The following PCSK5 variants were observed in gnomAD, a reference collection of about 807,000 sequenced individuals.
PCSK5 encodes proprotein convertase subtilisin/kexin type 5, also known as prohormone convertase 5.
In PCSK5, 129 loss-of-function variants were observed where a neutral mutation model predicts 233.2. The ratio of observed to expected loss-of-function variants is 0.55; its 90% CI spans 0.48 to 0.64. PCSK5 has a LOEUF of 0.64. Among genes scored for constraint, PCSK5 ranks in the 30% least tolerant of loss-of-function variants. The pLI is 0.00. For missense variants in PCSK5, 2,076 were observed against 2,430.1 expected (o/e 0.85, Z 3.06); for synonymous variants, 825 against 879.2 (o/e 0.94, Z 1.09).
intron 35 of PCSK5, among the ~76,000 whole-genome samples, chr9:76,349,067 C>G (rs188349875): frequency 1.3e-5 from 2 of 151,420 alleles, no homozygotes; most frequent in Admixed American, 1.3e-4. Context: ...GTGATGAGAT[C>G]GAGACCATCC....
intron 24 of PCSK5, among the ~76,000 whole-genome samples, chr9:76,283,696 T>G (rs1827956403): frequency 6.6e-6 from 1 of 152,216 alleles, no homozygotes; most frequent in Admixed American, 6.5e-5. Context: ...GCTTTTTTAT[T>G]AAGGCATAAC....
At chr9:76,173,028 AAC>A (rs1376590358) in intron 13 of PCSK5, among the ~76,000 whole-genome samples, 4 of 152,214 alleles carry the variant, frequency 2.6e-5, no homozygotes, top group African/African-American at 9.7e-5. Context: ...ATGGTTTAAA[AAC>A]ACAGGATTTG....
intron 1 of PCSK5, among the ~76,000 whole-genome samples, chr9:75,926,984 C>G (rs1823521196): frequency 6.6e-6 from 1 of 152,178 alleles, no homozygotes; most frequent in Non-Finnish European, 1.5e-5. Context: ...GGGTAAATAC[C>G]TAGAAACAAA....
intron 10 of PCSK5, among the ~76,000 whole-genome samples, chr9:76,137,382 A>G (rs1823030494): frequency 1.3e-5 from 2 of 152,134 alleles, no homozygotes; most frequent in Non-Finnish European, 1.5e-5. Context: ...GGGAAGACAC[A>G]TGTAAACATT....
At chr9:75,924,291 T>A (rs1823382069) in intron 1 of PCSK5, among the ~76,000 whole-genome samples, 1 of 152,152 alleles carries the variant, frequency 6.6e-6, no homozygotes, top group African/African-American at 2.4e-5. Context: ...CAAAGCTGAG[T>A]CTGAACCTGA....
chr9:75,916,954 A>T (rs1823026607), intron 1 of PCSK5, among the ~76,000 whole-genome samples: 1 of 152,092 alleles, frequency 6.6e-6, no homozygotes, highest in Non-Finnish European at 1.5e-5. Context: ...GTAGATCACA[A>T]GGTCAGGAGT....
intron 3 of PCSK5, among the ~76,000 whole-genome samples, chr9:76,001,607 C>G (rs957061485): frequency 6.6e-6 from 1 of 151,404 alleles, no homozygotes; most frequent in Non-Finnish European, 1.5e-5. Context: ...GCAAAACCAT[C>G]TGTTTCAGCA....
intron 20 of PCSK5, 142 bp from the exon 21 acceptor site, chr9:76,227,361 G>A (rs1182964050): frequency 3.2e-6 from 2 of 629,870 alleles, no homozygotes; most frequent in Non-Finnish European, 5.7e-6. Context: ...GGGACTAGCA[G>A]CTGAAGCCAT....
intron 20 of PCSK5, among the ~76,000 whole-genome samples, chr9:76,203,805 A>G (rs1825007176): frequency 6.6e-6 from 1 of 152,202 alleles, no homozygotes; most frequent in African/African-American, 2.4e-5. Context: ...TCCTTTTGCC[A>G]GATCCCAAGT....
intron 2 of PCSK5, among the ~76,000 whole-genome samples, chr9:75,971,356 C>T (rs927767107): frequency 2.0e-4 from 31 of 152,076 alleles, no homozygotes; most frequent in Admixed American, 3.9e-4. Context: ...GGGTTGATTC[C>T]ATGTCTTTGC....
intron 5 of PCSK5, among the ~76,000 whole-genome samples, chr9:76,051,080 T>G (rs1829613624): frequency 6.6e-6 from 1 of 152,128 alleles, no homozygotes; most frequent in Non-Finnish European, 1.5e-5. Flanking sequence ...GGGTCTAACC[T>G]CAGAAGCCCA....
chr9:76,304,107 G>T (rs906486746), intron 28 of PCSK5, among the ~76,000 whole-genome samples: 2 of 152,172 alleles, frequency 1.3e-5, no homozygotes, highest in African/African-American at 2.4e-5. Flanking sequence ...GGGAGGTGAA[G>T]GTTGCAGTGA....
intron 8 of PCSK5, among the ~76,000 whole-genome samples, chr9:76,104,871 G>T (rs1220528587): frequency 6.6e-6 from 1 of 152,154 alleles, no homozygotes; most frequent in African/African-American, 2.4e-5. Flanking sequence ...TGCAGGCAAG[G>T]CCGTCTCAAC....
At chr9:75,936,474 T>C (rs2131291983) in intron 2 of PCSK5, among the ~76,000 whole-genome samples, 1 of 152,366 alleles carries the variant, frequency 6.6e-6, no homozygotes, top group South Asian at 2.1e-4. Flanking sequence ...TGTTTTAAAT[T>C]CTCTGTTGTC....
At chr9:76,071,945 A>C in intron 7 of PCSK5, 47 bp downstream of exon 7, 1 of 1,534,270 alleles carries the variant, frequency 6.5e-7, no homozygotes. Context: ...ATGGGTGATG[A>C]TTCTCATATG....
intron 35 of PCSK5, among the ~76,000 whole-genome samples, chr9:76,349,765 C>A (rs1830071376): frequency 1.3e-5 from 2 of 152,222 alleles, no homozygotes; most frequent in Non-Finnish European, 2.9e-5. Flanking sequence ...GCAAAAATGT[C>A]CAGGACTTCC....
chr9:76,205,173 T>C, intron 20 of PCSK5: 1 of 518,970 alleles, frequency 1.9e-6, no homozygotes, highest in Non-Finnish European at 3.8e-6. Context: ...TAAACCTCAG[T>C]TTGCAGCTAT....
chr9:76,190,810 A>G (rs571679379), intron 20 of PCSK5, among the ~76,000 whole-genome samples: 7 of 152,312 alleles, frequency 4.6e-5, no homozygotes, highest in African/African-American at 7.2e-5. Context: ...CTTTGCACCA[A>G]TGATTCTGAA....
At chr9:76,145,708 T>G (rs1587684930) in intron 10 of PCSK5, among the ~76,000 whole-genome samples, 3 of 152,272 alleles carry the variant, frequency 2.0e-5, no homozygotes, top group Admixed American at 2.0e-4. Context: ...GTGGGCACTG[T>G]GGAAACTAGT....
Sources: gnomAD v4.1 joint callset for allele counts (sites outside exome capture counted in the v4.1 genomes callset) on GRCh38, gnomAD v4.1.1 for gene constraint, MANE v1.5 for transcripts, NCBI Gene and HGNC (gene_info 2026-07-23, HGNC 2026-07-21) for gene names.